ROS1: variants seen among roughly 807,000 people sequenced by gnomAD.
ROS1 encodes ROS proto-oncogene 1, receptor tyrosine kinase, also known as proto-oncogene tyrosine-protein kinase ROS.
Under a neutral mutation model 273.5 loss-of-function variants are expected in ROS1, and 263 were observed. The ratio of observed to expected loss-of-function variants is 0.96; its 90% CI spans 0.87 to 1.06. The LOEUF is 1.06. Among genes scored for constraint, ROS1 ranks in the 50% least tolerant of loss-of-function variants. ROS1 has a pLI of 0.00. For synonymous variants in ROS1, 1,008 were observed against 954.1 expected (o/e 1.06, Z -1.04); for missense variants, 2,833 against 2,751.1 (o/e 1.03, Z -0.67).
In ROS1 at chr6:117,383,297, C is replaced by T; in HGVS notation, c.2481+20G>A. 1.9e-6 allele frequency: 3 copies of T among 1,584,562 alleles called. No homozygotes were observed. Among genetic ancestry groups the T allele is most frequent in the Non-Finnish European group, 2.6e-6 (3 of 1,154,036 alleles). On this transcript the variant is annotated intron_variant, in intron 17 of 43. Transcript: ENST00000368507. ...GAGCTATTCAGTATTACTAAATGAT[C>T]AGATCTTTTAATTTGTCACCTTTTT...
chr6:117,382,618 T>C (rs547082293), intron 17 of ROS1, among the ~76,000 whole-genome samples: 1 of 152,262 alleles, frequency 6.6e-6, no homozygotes, highest in African/African-American at 2.4e-5. Flanking sequence ...ACCTAGTGGG[T>C]AGCTAAACAG....
chr6:117,330,205 C>G (rs546615299), intron 32 of ROS1, among the ~76,000 whole-genome samples: 65 of 152,380 alleles, frequency 4.3e-4, no homozygotes, highest in Admixed American at 7.2e-4. Context: ...CTGTGGTAGT[C>G]AGCGGCCAGA....
intron 42 of ROS1, among the ~76,000 whole-genome samples, chr6:117,305,642 A>G (rs1775045716): frequency 6.6e-6 from 1 of 152,228 alleles, no homozygotes; most frequent in Admixed American, 6.5e-5. Flanking sequence ...CTAAAAGTAA[A>G]GAATAAAACT....
At chr6:117,345,697 C>T (rs1301851039) in intron 27 of ROS1, among the ~76,000 whole-genome samples, 1 of 152,132 alleles carries the variant, frequency 6.6e-6, no homozygotes, top group African/African-American at 2.4e-5. Flanking sequence ...ACTTTTTTGT[C>T]TTGGGAAGGT....
At chr6:117,383,283 T>C (rs754227862) in intron 17 of ROS1, 34 bp downstream of exon 17, 1 of 1,499,016 alleles carries the variant, frequency 6.7e-7, no homozygotes, top group Non-Finnish European at 9.3e-7. Flanking sequence ...AGCTATTCAG[T>C]ATTACTAAAT....
intron 16 of ROS1, 94 bp downstream of exon 16, chr6:117,385,589 C>T (rs1772500724): frequency 9.9e-7 from 1 of 1,006,784 alleles, no homozygotes; most frequent in South Asian, 1.6e-5. Flanking sequence ...AAGTGGTGCA[C>T]AGGTATTTAA....
intron 18 of ROS1, among the ~76,000 whole-genome samples, chr6:117,372,843 C>T (rs1189805188): frequency 1.3e-5 from 2 of 152,178 alleles, no homozygotes; most frequent in Non-Finnish European, 2.9e-5. Flanking sequence ...GAAAAGGATC[C>T]ATTCGGGTTG....
chr6:117,356,071 C>A (rs1025538045), intron 26 of ROS1, among the ~76,000 whole-genome samples: 1 of 152,078 alleles, frequency 6.6e-6, no homozygotes, highest in South Asian at 2.1e-4. Flanking sequence ...ACTCGACTTT[C>A]GAATATTTAT....
intron 33 of ROS1, among the ~76,000 whole-genome samples, 180 bp from the exon 34 acceptor site, chr6:117,326,594 C>G (rs946745677): frequency 3.3e-5 from 5 of 151,982 alleles, no homozygotes; most frequent in African/African-American, 1.2e-4. Flanking sequence ...TTATAGTGAT[C>G]CTAGTGAGGC....
chr6:117,421,744 A>AT (rs1486024835), intron 1 of ROS1, among the ~76,000 whole-genome samples: 23 of 151,770 alleles, frequency 1.5e-4, no homozygotes, highest in Non-Finnish European at 3.1e-4. Context: ...TGTATCAGGG[A>AT]TTTTTTCTTT....
rs752668654 is a variant in ROS1, at chr6:117,300,964, T to C, written c.6715+10A>G. ...GCGAAAACTAGAAAATTCTGAAGAA[T>C]CAAACTTACCTTCAAAGCTTTCATT... On this transcript the variant is annotated intron_variant, in intron 43 of 43. Coordinates refer to ENST00000368507, the MANE Select transcript of ROS1 (RefSeq NM_001378902.1). 22 of 1,544,048 alleles carry C rather than the reference T, an allele frequency of 1.4e-5. No individual in the cohort carries two copies. The highest frequency in any genetic ancestry group is 1.8e-5 in the Non-Finnish European group (21 of 1,150,438).
chr6:117,403,126 G>T lies in ROS1; in HGVS notation c.604+13C>A. The T allele has an allele frequency of 6.2e-7, 1 of 1,613,402 alleles. No individual in the cohort carries two copies. The highest frequency in any genetic ancestry group is 8.5e-7 in the Non-Finnish European group (1 of 1,179,554). On this transcript the variant is annotated intron_variant, in intron 7 of 43. Coordinates refer to ENST00000368507, the MANE Select transcript of ROS1 (RefSeq NM_001378902.1). Reference sequence around the variant, plus strand: ...AATAATGTCCTTTCATAAGAAATGTGTGCACACCATACCTCCATGAGGATG... The same window carrying T: ...AATAATGTCCTTTCATAAGAAATGTTTGCACACCATACCTCCATGAGGATG...
intron 27 of ROS1, among the ~76,000 whole-genome samples, chr6:117,350,687 CT>C (rs548987983): frequency 0.095 from 12,307 of 129,988 alleles, 558 homozygotes; most frequent in Non-Finnish European, 0.12. Context: ...GGTTTTTTTC[CT>C]TTTTTTTTTT....
intron 32 of ROS1, among the ~76,000 whole-genome samples, chr6:117,330,922 A>G (rs1024003853): frequency 2.0e-5 from 3 of 152,238 alleles, no homozygotes; most frequent in Non-Finnish European, 4.4e-5. Context: ...CCAAAAGGCC[A>G]GAGTGCCTCT....
At chr6:117,308,992 C>T (rs2128546645) in intron 41 of ROS1, 64 bp from the exon 42 acceptor site, 1 of 1,519,170 alleles carries the variant, frequency 6.6e-7, no homozygotes, top group Non-Finnish European at 9.0e-7. Flanking sequence ...ACAGTAGTTT[C>T]TCCAACAACA....
At chr6:117,289,623 T>C (rs1417136748) in intron 43 of ROS1, among the ~76,000 whole-genome samples, 1 of 152,200 alleles carries the variant, frequency 6.6e-6, no homozygotes. Flanking sequence ...CCCTCCGAAC[T>C]GCTGAAGAAC....
At chr6:117,351,915 A>G (rs1016669961) in intron 27 of ROS1, among the ~76,000 whole-genome samples, 1 of 152,248 alleles carries the variant, frequency 6.6e-6, no homozygotes, top group African/African-American at 2.4e-5. Context: ...ATAAATTTTA[A>G]CATTTTTCAA....
rs1355122363 is a variant in ROS1 at position 117,389,441 on chromosome 6, A to T, written c.1695T>A (p.Pro565=). ...VIFGSSSQLH[P]LPGRPQELSV... ...AAAGCTCCTGCGGGCGGCCTGGCAG[A>T]GGGTGCAGCTGGGAGGATGAGCCAA... Residue 565 remains proline (P), a synonymous_variant, in exon 13 of 44, where the codon CCT becomes CCA. Coordinates refer to ENST00000368507, the MANE Select transcript of ROS1 (RefSeq NM_001378902.1). The T allele has an allele frequency of 1.2e-6, 2 of 1,614,082 alleles. No individual in the cohort carries two copies. Among genetic ancestry groups the T allele is most frequent in the Admixed American group, 3.3e-5 (2 of 60,002 alleles).
intron 16 of ROS1, among the ~76,000 whole-genome samples, chr6:117,385,352 C>G (rs748873281): frequency 6.6e-6 from 1 of 152,040 alleles, no homozygotes; most frequent in African/African-American, 2.4e-5. Context: ...GTCAGGAGTT[C>G]GAGACCAGCC....
Sources: allele counts gnomAD v4.1 joint callset (sites outside exome capture counted in the v4.1 genomes callset), GRCh38; gene constraint gnomAD v4.1.1; transcripts MANE v1.5; gene names NCBI Gene and HGNC (gene_info 2026-07-23, HGNC 2026-07-21).